GULP1: variants seen among roughly 807,000 people sequenced by gnomAD.
GULP1 encodes the protein GULP PTB domain containing engulfment adaptor 1.
GULP1 carries 19 observed loss-of-function variants against 40.9 expected under a neutral mutation model. That is an observed-to-expected ratio of 0.46 (90% CI 0.32 to 0.68). The LOEUF (loss-of-function observed/expected upper bound fraction) is 0.68. GULP1 is among the 30% of genes least tolerant of loss of function. The probability of loss-of-function intolerance (pLI) is 0.03; values close to 1 mark genes in which losing one functional copy is unlikely to be tolerated. For missense variants in GULP1, 312 were observed against 362.2 expected (o/e 0.86, Z 1.12); for synonymous variants, 119 against 117.6 (o/e 1.01, Z -0.08).
chr2:188,349,105 T>C (rs992358297), intron 1 of GULP1, among the ~76,000 whole-genome samples: 1 of 152,250 alleles, frequency 6.6e-6, no homozygotes, highest in Non-Finnish European at 1.5e-5. Context: ...GCAATGTCTC[T>C]ACAAATGCAT....
intron 2 of GULP1, among the ~76,000 whole-genome samples, chr2:188,469,813 A>G (rs1331025522): frequency 6.6e-6 from 1 of 152,122 alleles, no homozygotes; most frequent in Non-Finnish European, 1.5e-5. Flanking sequence ...AAATGATCGT[A>G]TGGTTTTTAA....
intron 2 of GULP1, among the ~76,000 whole-genome samples, chr2:188,410,765 A>G (rs2053764393): frequency 6.6e-6 from 1 of 152,170 alleles, no homozygotes; most frequent in African/African-American, 2.4e-5. Flanking sequence ...CAGATGGAAG[A>G]GGTCTGTGGG....
intron 1 of GULP1, among the ~76,000 whole-genome samples, chr2:188,371,862 A>G (rs1166596037): frequency 6.6e-6 from 1 of 152,038 alleles, no homozygotes; most frequent in Non-Finnish European, 1.5e-5. Context: ...TGTTTGGTAA[A>G]TGTGTGTTGG....
At chr2:188,323,386 GT>G in intron 1 of GULP1, among the ~76,000 whole-genome samples, 1 of 151,954 alleles carries the variant, frequency 6.6e-6, no homozygotes, top group Non-Finnish European at 1.5e-5. Context: ...AACATAGGCT[GT>G]GCTGTGGTAC....
At chr2:188,466,444 A>ATTTTTTTTTTTTT (rs60944877) in intron 2 of GULP1, 1 of 118,200 alleles carries the variant, frequency 8.5e-6, no homozygotes, top group Non-Finnish European at 1.8e-5. Flanking sequence ...TGCCCAGCTA[A>ATTTTTTTTTTTTT]TTTTTTTTTT....
At chr2:188,466,796 T>A (rs1435031885) in intron 2 of GULP1, among the ~76,000 whole-genome samples, 1 of 152,164 alleles carries the variant, frequency 6.6e-6, no homozygotes, top group Non-Finnish European at 1.5e-5. Flanking sequence ...ATCTTTGCTG[T>A]CTGGTAGGTA....
intron 4 of GULP1, among the ~76,000 whole-genome samples, chr2:188,487,053 A>AT (rs1256820744): frequency 6.6e-6 from 1 of 152,000 alleles, no homozygotes; most frequent in African/African-American, 2.4e-5. Flanking sequence ...TGCTACTATA[A>AT]TTAGAATGTT....
intron 2 of GULP1, among the ~76,000 whole-genome samples, chr2:188,446,725 A>T (rs1262797675): frequency 6.6e-6 from 1 of 152,202 alleles, no homozygotes; most frequent in Non-Finnish European, 1.5e-5. Context: ...GTAAATATTA[A>T]TTTATATACA....
At chr2:188,328,000 G>T (rs2041003200) in intron 1 of GULP1, among the ~76,000 whole-genome samples, 1 of 152,058 alleles carries the variant, frequency 6.6e-6, no homozygotes, top group Non-Finnish European at 1.5e-5. Context: ...ATGAGTAAAA[G>T]TACATACCAA....
chr2:188,385,913 C>G (rs1206244627), intron 2 of GULP1, among the ~76,000 whole-genome samples: 1 of 152,170 alleles, frequency 6.6e-6, no homozygotes, highest in Non-Finnish European at 1.5e-5. Context: ...AGCCATTCAA[C>G]AAGTCTTTAG....
At chr2:188,325,795 T>C (rs189325286) in intron 1 of GULP1, among the ~76,000 whole-genome samples, 26 of 152,196 alleles carry the variant, frequency 1.7e-4, no homozygotes, top group African/African-American at 6.3e-4. Context: ...TTGACACCAC[T>C]TTTATGTAAA....
chr2:188,342,059 TAGAA>T (rs778678337), intron 1 of GULP1, among the ~76,000 whole-genome samples: 1 of 152,202 alleles, frequency 6.6e-6, no homozygotes, highest in Non-Finnish European at 1.5e-5. Flanking sequence ...TTTTTAGAAG[TAGAA>T]AGAACATAAA....
chr2:188,413,985 G>A (rs762711402), intron 2 of GULP1, among the ~76,000 whole-genome samples: 1 of 152,014 alleles, frequency 6.6e-6, no homozygotes, highest in Non-Finnish European at 1.5e-5. Context: ...TTGGGAGGCC[G>A]AGGCTGGCGG....
At chr2:188,370,992 A>G (rs188626740) in intron 1 of GULP1, among the ~76,000 whole-genome samples, 26 of 152,222 alleles carry the variant, frequency 1.7e-4, no homozygotes, top group African/African-American at 5.1e-4. Flanking sequence ...CTAAACATCT[A>G]TTGAGCATTT....
chr2:188,466,933 T>C (rs542700387), intron 2 of GULP1, among the ~76,000 whole-genome samples: 15 of 152,050 alleles, frequency 9.9e-5, no homozygotes, highest in Admixed American at 9.8e-4. Context: ...TCCCCAAGTG[T>C]CTCTTTCATA....
At chr2:188,389,476 CA>C (rs2050224997) in intron 2 of GULP1, among the ~76,000 whole-genome samples, 1 of 151,998 alleles carries the variant, frequency 6.6e-6, no homozygotes. Flanking sequence ...CCAGCAGTCA[CA>C]AAAATGGATA....
intron 10 of GULP1, among the ~76,000 whole-genome samples, chr2:188,587,429 A>C (rs761033000): frequency 6.6e-6 from 1 of 152,106 alleles, no homozygotes; most frequent in Non-Finnish European, 1.5e-5. Flanking sequence ...TTACAAGTCT[A>C]CTTAGTCCTA....
At chr2:188,392,798 C>T (rs75088200) in intron 2 of GULP1, among the ~76,000 whole-genome samples, 1 of 151,968 alleles carries the variant, frequency 6.6e-6, no homozygotes, top group Admixed American at 6.6e-5. Flanking sequence ...TATTATGCTT[C>T]ATTTCAAAGA....
intron 7 of GULP1, among the ~76,000 whole-genome samples, chr2:188,564,009 C>G (rs1697012985): frequency 6.6e-6 from 1 of 151,858 alleles, no homozygotes; most frequent in African/African-American, 2.4e-5. Context: ...AACATCTTAA[C>G]AGAATAATAA....
Sources: gnomAD v4.1 joint callset for allele counts (sites outside exome capture counted in the v4.1 genomes callset) on GRCh38, gnomAD v4.1.1 for gene constraint, MANE v1.5 for transcripts, NCBI Gene and HGNC (gene_info 2026-07-23, HGNC 2026-07-21) for gene names.